The following RNF150 variants were observed in gnomAD, a reference collection of about 807,000 sequenced individuals.
RNF150 encodes ring finger protein 150.
A neutral mutation model predicts 39.3 loss-of-function variants in RNF150; 24 were observed. The ratio of observed to expected loss-of-function variants is 0.61; its 90% CI spans 0.44 to 0.86. RNF150 has a LOEUF of 0.86. RNF150 is among the 40% of genes least tolerant of loss of function. The probability of loss-of-function intolerance (pLI) is 0.00; values close to 1 mark genes in which losing one functional copy is unlikely to be tolerated. For synonymous variants in RNF150, 255 were observed against 227.3 expected (o/e 1.12, Z -1.10); for missense variants, 502 against 587.8 (o/e 0.85, Z 1.51).
intron 6 of RNF150, among the ~76,000 whole-genome samples, chr4:140,902,655 CTAT>C (rs1730228085): frequency 6.6e-6 from 1 of 151,988 alleles, no homozygotes; most frequent in Non-Finnish European, 1.5e-5. Flanking sequence ...GCTATCATAG[CTAT>C]TATTGTTAAA....
At chr4:141,211,632 A>G (rs1468568753) in intron 1 of RNF150, among the ~76,000 whole-genome samples, 1 of 152,044 alleles carries the variant, frequency 6.6e-6, no homozygotes, top group Non-Finnish European at 1.5e-5. Context: ...GAAGGAAAGT[A>G]ATAGAATTGA....
At chr4:141,074,725 T>G (rs1018494315) in intron 1 of RNF150, among the ~76,000 whole-genome samples, 1 of 152,146 alleles carries the variant, frequency 6.6e-6, no homozygotes, top group Admixed American at 6.5e-5. Flanking sequence ...TGCCTCTCAT[T>G]GCCAAACCTT....
chr4:141,080,082 A>G (rs1283622778), intron 1 of RNF150, among the ~76,000 whole-genome samples: 2 of 152,180 alleles, frequency 1.3e-5, no homozygotes, highest in African/African-American at 4.8e-5. Context: ...TTCAAAAAAG[A>G]CATACTTAGT....
chr4:141,123,700 C>T (rs918994888), intron 1 of RNF150, among the ~76,000 whole-genome samples: 2 of 152,138 alleles, frequency 1.3e-5, no homozygotes, highest in African/African-American at 4.8e-5. Flanking sequence ...ATCCCTCCCC[C>T]ACCGCCCAAC....
At chr4:141,002,344 T>C (rs1364891) in intron 1 of RNF150, among the ~76,000 whole-genome samples, 51,357 of 151,928 alleles carry the variant, frequency 0.34, 10,977 homozygotes, top group Non-Finnish European at 0.46. Flanking sequence ...ACCAGAGTTC[T>C]ATCAACAGCC....
chr4:141,191,748 T>C (rs931802611), intron 1 of RNF150, among the ~76,000 whole-genome samples: 1 of 152,232 alleles, frequency 6.6e-6, no homozygotes, highest in Non-Finnish European at 1.5e-5. Flanking sequence ...TCTTTGTTGT[T>C]TATAACACAC....
chr4:140,931,373 A>G (rs1560973845), intron 4 of RNF150, among the ~76,000 whole-genome samples: 1 of 152,180 alleles, frequency 6.6e-6, no homozygotes, highest in Non-Finnish European at 1.5e-5. Context: ...ATTCACAATC[A>G]TTTCTTTTTG....
chr4:141,006,242 A>ATATATACATATATACGTATT lies in RNF150; in HGVS notation c.485-38370_485-38369insAATACGTATATATGTATATA, dbSNP rs1435737827. 8.0e-3 allele frequency among the ~76,000 whole-genome samples: 443 copies of ATATATACATATATACGTATT among 55,716 alleles called. 2 individuals are homozygous for ATATATACATATATACGTATT. The highest frequency in any genetic ancestry group is 0.016 in the African/African-American group (422 of 26,052). The allele number at this position is 55,716 out of a possible 152,430, so 36.6% of individuals were successfully genotyped here. A position where few individuals can be genotyped will look rare whatever the true frequency, so the allele number is the denominator to read the frequency against. On this transcript the variant is annotated intron_variant, in intron 1 of 6. Coordinates refer to ENST00000515673, the MANE Select transcript of RNF150 (RefSeq NM_020724.2). ...TATACACATATATATGTGTATGTAT[A>ATATATACATATATACGTATT]TATATACATACATATATACGTATAT...
chr4:141,188,779 G>T (rs965510154), intron 1 of RNF150, among the ~76,000 whole-genome samples: 2 of 152,014 alleles, frequency 1.3e-5, no homozygotes, highest in African/African-American at 4.8e-5. Context: ...TATCTTCCTT[G>T]TCAAGGTTCT....
intron 1 of RNF150, among the ~76,000 whole-genome samples, chr4:141,018,715 G>A (rs1022406366): frequency 1.3e-5 from 2 of 152,042 alleles, no homozygotes; most frequent in African/African-American, 4.8e-5. Flanking sequence ...GTCCCCAGCT[G>A]TCCATTGCTT....
chr4:141,160,726 TC>T (rs1560763836), intron 1 of RNF150, among the ~76,000 whole-genome samples: 1 of 152,096 alleles, frequency 6.6e-6, no homozygotes, highest in South Asian at 2.1e-4. Flanking sequence ...GTGTGGCACC[TC>T]CCCCTCCCAC....
At position 141,109,310 on chromosome 4, in the gene RNF150, AT is replaced by A. The variant is rs1445597134; in HGVS notation, c.484+23014del. ...TAGCTAGTATTCTGAAGCCATTCCG[AT>A]TCATAAAACATACTCTGAGTATCTC... is the stretch of plus-strand genomic sequence containing the variant. On this transcript the variant is annotated intron_variant, in intron 1 of 6. Coordinates refer to ENST00000515673, the MANE Select transcript of RNF150 (RefSeq NM_020724.2). Among the ~76,000 whole-genome samples the A allele has an allele frequency of 4.6e-5, 7 of 152,086 alleles. No individual in the cohort carries two copies. In the South Asian group the frequency reaches 1.5e-3, roughly 32 times the overall value.
At chr4:141,051,473 C>A (rs1736774815) in intron 1 of RNF150, among the ~76,000 whole-genome samples, 1 of 152,168 alleles carries the variant, frequency 6.6e-6, no homozygotes, top group Non-Finnish European at 1.5e-5. Context: ...GCCTTAATAG[C>A]ACCCAAGTCA....
intron 1 of RNF150, among the ~76,000 whole-genome samples, chr4:141,075,584 C>A (rs3913894): frequency 1.0e-3 from 158 of 152,256 alleles, no homozygotes; most frequent in African/African-American, 3.6e-3. Flanking sequence ...TCTCTAGTTT[C>A]TTTTCTTTTA....
intron 1 of RNF150, among the ~76,000 whole-genome samples, chr4:141,039,796 A>G (rs992359414): frequency 6.6e-6 from 1 of 152,164 alleles, no homozygotes; most frequent in Non-Finnish European, 1.5e-5. Flanking sequence ...CCATATGAGC[A>G]GTTAGGCTTA....
At chr4:141,079,986 T>C (rs576457966) in intron 1 of RNF150, among the ~76,000 whole-genome samples, 50 of 152,254 alleles carry the variant, frequency 3.3e-4, no homozygotes, top group African/African-American at 1.0e-3. Flanking sequence ...CAGGACTCCA[T>C]AAACGTTGTT....
In RNF150 at chr4:140,994,468, C is replaced by T. The variant is rs148373741; in HGVS notation, c.485-26595G>A. Among the ~76,000 whole-genome samples the T allele has an allele frequency of 2.8e-3, 422 of 151,080 alleles. 2 individuals are homozygous for T. Among genetic ancestry groups the T allele is most frequent in the African/African-American group, 9.3e-3 (382 of 41,120 alleles). ...TGGGGCTGCTGTGCATGTGTGTGCA[C>T]GCACACACACACAACACACACACAC... is the stretch of plus-strand genomic sequence containing the variant. On this transcript the variant is annotated intron_variant, in intron 1 of 6. Coordinates refer to ENST00000515673, the MANE Select transcript of RNF150 (RefSeq NM_020724.2).
At chr4:140,878,660 C>T (rs1729262309) in intron 6 of RNF150, among the ~76,000 whole-genome samples, 1 of 152,066 alleles carries the variant, frequency 6.6e-6, no homozygotes, top group Non-Finnish European at 1.5e-5. Flanking sequence ...ATATTAACAC[C>T]TTATCAAATA....
chr4:140,895,247 T>C (rs1373860735), intron 6 of RNF150, among the ~76,000 whole-genome samples: 3 of 152,134 alleles, frequency 2.0e-5, no homozygotes, highest in Non-Finnish European at 4.4e-5. Context: ...GCATCATAAG[T>C]GAGTATATTT....
Sources: gnomAD v4.1 joint callset for allele counts (sites outside exome capture counted in the v4.1 genomes callset) on GRCh38, gnomAD v4.1.1 for gene constraint, MANE v1.5 for transcripts, NCBI Gene and HGNC (gene_info 2026-07-23, HGNC 2026-07-21) for gene names.